Variants in ADGRL3 observed in about 807,000 individuals in gnomAD.
The protein encoded by ADGRL3 is adhesion G protein-coupled receptor L3, also known as calcium-independent alpha-latrotoxin receptor 3.
In ADGRL3, 62 loss-of-function variants were observed where a neutral mutation model predicts 153.5. The observed-to-expected ratio is 0.40, with a 90% CI of 0.33 to 0.50. ADGRL3 has a LOEUF of 0.50. Among genes scored for constraint, ADGRL3 ranks in the 20% least tolerant of loss-of-function variants. ADGRL3 has a pLI of 0.47. For synonymous variants in ADGRL3, 710 were observed against 672.5 expected, an observed-to-expected ratio of 1.06 and a Z score of -0.86; for missense variants, 1,641 against 1,859.4, an observed-to-expected ratio of 0.88 and a Z score of 2.16.
intron 6 of ADGRL3, among the ~76,000 whole-genome samples, chr4:61,721,979 AG>A (rs1226312944): frequency 6.6e-6 from 1 of 152,216 alleles, no homozygotes; most frequent in African/African-American, 2.4e-5. Context: ...AAAATATATA[AG>A]AAACACATAT....
intron 21 of ADGRL3, among the ~76,000 whole-genome samples, chr4:62,011,409 G>C (rs556440847): frequency 2.6e-4 from 39 of 152,090 alleles, no homozygotes; most frequent in African/African-American, 8.4e-4. Flanking sequence ...GCTTAGCAAG[G>C]CCTTTTTATT....
chr4:61,856,474 CTTTTT>C (rs749077584), intron 9 of ADGRL3, among the ~76,000 whole-genome samples: 103 of 138,666 alleles, frequency 7.4e-4, no homozygotes, highest in Non-Finnish European at 1.3e-3. Context: ...CTTTTCTTTT[CTTTTT>C]TATTTTCTCC....
In ADGRL3 at chr4:61,460,290, A is replaced by G. The variant is rs756040867; in HGVS notation, c.-173-36831A>G. 3.9e-5 allele frequency among the ~76,000 whole-genome samples: 6 copies of G among 152,198 alleles called. No individual in the cohort carries two copies. In the South Asian group the frequency reaches 8.3e-4, roughly 21 times the overall value. ...TCATTTCATTATTCTGCATAAGGAT[A>G]TCCAGTTTTCCCAGAACCACTTATT... On this transcript the variant is annotated intron_variant, in intron 2 of 26. Coordinates refer to ENST00000683033, the MANE Select transcript of ADGRL3 (RefSeq NM_001387552.1).
At chr4:61,951,361 C>G (rs955363280) in intron 17 of ADGRL3, among the ~76,000 whole-genome samples, 1 of 152,140 alleles carries the variant, frequency 6.6e-6, no homozygotes, top group Non-Finnish European at 1.5e-5. Flanking sequence ...GTGGTTTACC[C>G]AACCCCTTCA....
chr4:61,566,857 T>C (rs2098818391), intron 4 of ADGRL3, among the ~76,000 whole-genome samples: 4 of 152,130 alleles, frequency 2.6e-5, no homozygotes, highest in Admixed American at 2.6e-4. Flanking sequence ...TTGAAGGAAA[T>C]CTAATCTATT....
chr4:61,962,538 T>TC (rs1290066100), intron 17 of ADGRL3, among the ~76,000 whole-genome samples: 11 of 152,168 alleles, frequency 7.2e-5, no homozygotes, highest in African/African-American at 2.7e-4. Context: ...TTTTGTAAAG[T>TC]CCAGGTCAGT....
At chr4:61,442,078 G>A (rs947512091) in intron 2 of ADGRL3, among the ~76,000 whole-genome samples, 1 of 152,126 alleles carries the variant, frequency 6.6e-6, no homozygotes, top group South Asian at 2.1e-4. Flanking sequence ...TGAGTAACTG[G>A]AAGTGAGTAA....
intron 1 of ADGRL3, among the ~76,000 whole-genome samples, chr4:61,262,121 T>C (rs2092566137): frequency 1.3e-5 from 2 of 152,202 alleles, no homozygotes; most frequent in Admixed American, 6.5e-5. Context: ...GCGTCATCTT[T>C]GCTATGCTCA....
intron 5 of ADGRL3, among the ~76,000 whole-genome samples, chr4:61,676,213 T>A (rs1382100794): frequency 6.6e-6 from 1 of 152,024 alleles, no homozygotes; most frequent in Admixed American, 6.6e-5. Context: ...GTATCATTAT[T>A]TGGCTGAACA....
At chr4:61,469,974 A>G (rs1214751068) in intron 2 of ADGRL3, among the ~76,000 whole-genome samples, 2 of 151,972 alleles carry the variant, frequency 1.3e-5, no homozygotes, top group Non-Finnish European at 2.9e-5. Flanking sequence ...AAGTATTATT[A>G]CTTATGCTTT....
chr4:61,458,975 G>A (rs1294604813), intron 2 of ADGRL3, among the ~76,000 whole-genome samples: 4 of 151,418 alleles, frequency 2.6e-5, no homozygotes, highest in Admixed American at 1.3e-4. Context: ...ATATGTTAAT[G>A]TTTTGTGACA....
At chr4:61,903,071 A>G (rs1297045967) in intron 11 of ADGRL3, among the ~76,000 whole-genome samples, 3 of 152,198 alleles carry the variant, frequency 2.0e-5, no homozygotes, top group Non-Finnish European at 4.4e-5. Context: ...CTAGACACAA[A>G]CACATGGATA....
At chr4:61,573,131 G>A (rs558091353) in intron 4 of ADGRL3, among the ~76,000 whole-genome samples, 2 of 152,100 alleles carry the variant, frequency 1.3e-5, no homozygotes, top group African/African-American at 2.4e-5. Context: ...TAAGCATAGT[G>A]TAAGGTATTG....
intron 1 of ADGRL3, among the ~76,000 whole-genome samples, chr4:61,316,690 G>A (rs768012531): frequency 1.4e-4 from 22 of 152,142 alleles, no homozygotes; most frequent in Non-Finnish European, 2.4e-4. Flanking sequence ...ATAATGATAA[G>A]TTGCTCAGAT....
chr4:61,408,465 G>A (rs955281655), intron 2 of ADGRL3, among the ~76,000 whole-genome samples: 1 of 149,954 alleles, frequency 6.7e-6, no homozygotes, highest in Non-Finnish European at 1.5e-5. Flanking sequence ...CTTTGTTGCC[G>A]ACTATACAGA....
chr4:61,763,405 C>G (rs2096936927), intron 8 of ADGRL3, among the ~76,000 whole-genome samples: 1 of 151,684 alleles, frequency 6.6e-6, no homozygotes, highest in South Asian at 2.1e-4. Flanking sequence ...AGGCTGGTCT[C>G]CATCTCCTGA....
Position 62,074,602 on chromosome 4 carries a change from A to G in ADGRL3, c.*3694A>G, listed in dbSNP as rs1746579896. ...TAAATTACTGTGCTAAAATAATTGT[A>G]ATAACAAAAATGAACTGACAGAACA... On this transcript the variant is annotated 3_prime_UTR_variant, in exon 27 of 27. Coordinates refer to ENST00000683033, the MANE Select transcript of ADGRL3 (RefSeq NM_001387552.1). 1 of 152,170 alleles carries G rather than the reference A, an allele frequency of 6.6e-6. No homozygotes were observed. Among genetic ancestry groups the G allele is most frequent in the Non-Finnish European group, 1.5e-5 (1 of 68,032 alleles). The allele number at this position is 152,170 out of a possible 1,614,324, so 9.4% of individuals were successfully genotyped here. A position where few individuals can be genotyped will look rare whatever the true frequency, so the allele number is the denominator to read the frequency against.
chr4:61,653,360 G>A (rs1308924292), intron 5 of ADGRL3, among the ~76,000 whole-genome samples: 1 of 152,134 alleles, frequency 6.6e-6, no homozygotes, highest in African/African-American at 2.4e-5. Context: ...CCCTGTCTGC[G>A]GCATTTTGTT....
At chr4:61,711,458 TTATATATATATATATATATATATA>T (rs1167827672) in intron 6 of ADGRL3, among the ~76,000 whole-genome samples, 2 of 34,662 alleles carry the variant, frequency 5.8e-5, no homozygotes, top group African/African-American at 2.0e-4. Context: ...ATATGCTTCA[TTATATATATATATATATATATATA>T]TATATATATA....
Sources: allele counts gnomAD v4.1 joint callset (sites outside exome capture counted in the v4.1 genomes callset), GRCh38; gene constraint gnomAD v4.1.1; transcripts MANE v1.5; gene names NCBI Gene and HGNC (gene_info 2026-07-23, HGNC 2026-07-21).